The following TTC14 variants were observed in gnomAD, a reference collection of about 807,000 sequenced individuals.
TTC14 encodes tetratricopeptide repeat domain 14, also known as tetratricopeptide repeat protein 14.
A neutral mutation model predicts 79.9 loss-of-function variants in TTC14; 63 were observed. That is an observed-to-expected ratio of 0.79 (90% CI 0.64 to 0.97). The LOEUF is 0.97. Ranked by LOEUF, TTC14 falls within the 50% of genes least tolerant of loss-of-function variation. The pLI, the probability that TTC14 is intolerant of heterozygous loss-of-function variation, is 0.00. For missense variants in TTC14, 895 were observed against 894.0 expected, an observed-to-expected ratio of 1.00 and a Z score of -0.01; for synonymous variants, 335 against 309.6, an observed-to-expected ratio of 1.08 and a Z score of -0.86.
Position 180,602,416 on chromosome 3 carries a change from AG to A in TTC14, c.158del (p.Gly53AlafsTer52). ...GGCCCGCCGCCCCAGCACCCGTTGCAGGGCAGGTAATGAGACGTTGGTGCCA... is the reference window on the plus strand; with the variant it reads ...GGCCCGCCGCCCCAGCACCCGTTGCAGGCAGGTAATGAGACGTTGGTGCCA... The part of the protein sequence containing the change: ...ARGPPPQHPL[Q>X]GRKEKRVDNI... On this transcript the variant is annotated frameshift_variant, in exon 1 of 12. Transcript: ENST00000296015. LOFTEE classifies it high-confidence loss of function. 1 of 1,603,270 alleles carries A rather than the reference AG, an allele frequency of 6.2e-7. No homozygotes were observed.
chr3:180,617,744 T>A, exon 13 of TTC14: 1 of 364,008 alleles, frequency 2.7e-6, no homozygotes, highest in Middle Eastern at 7.3e-4. Context: ...TTTACAAAAT[T>A]AAAAATGTTT....
intron 7 of TTC14, 121 bp from the exon 8 acceptor site, chr3:180,606,132 A>G (rs768394346): frequency 7.3e-7 from 1 of 1,363,004 alleles, no homozygotes; most frequent in Non-Finnish European, 1.0e-6. Context: ...TATTGTGAGT[A>G]CTCTGAAAAC....
intron 1 of TTC14, 65 bp downstream of exon 1, chr3:180,602,487 A>G: frequency 6.6e-7 from 1 of 1,504,640 alleles, no homozygotes; most frequent in Non-Finnish European, 8.8e-7. Flanking sequence ...CCACTACCGC[A>G]GCCCCGGGTT....
Position 180,616,972 on chromosome 3 carries a change from G to GA in TTC14, c.1775-402dup, listed in dbSNP as rs1287389353. On this transcript the variant is annotated intron_variant, in intron 12 of 12. Transcript: ENST00000382584. The stretch of plus-strand genomic sequence containing the variant: ...TCTAATGTATTTTCCATGCTCTGTA[G>GA]AAAAAATATTAACATGTATTTTTTA... 1.6e-6 allele frequency: 2 copies of GA among 1,277,058 alleles called. No homozygotes were observed. Among genetic ancestry groups the GA allele is most frequent in the Non-Finnish European group, 1.1e-6 (1 of 940,856 alleles). 79.1% of individuals were successfully genotyped at this position (1,277,058 alleles called of 1,614,324 possible).
rs750009676 is a variant in TTC14 at position 180,602,406 on chromosome 3, C to G, written c.145C>G (p.His49Asp). 8 of 1,606,216 alleles carry G rather than the reference C, an allele frequency of 5.0e-6. No homozygotes were observed. Residue 49 changes from histidine to aspartate, a missense_variant, in exon 1 of 12, where the codon CAC becomes GAC. Physicochemically the swap from His to Asp is moderately conservative, Grantham distance 81 (BLOSUM62 -1). Transcript: ENST00000296015. Reference sequence around the variant, plus strand: ...GCCAGCCCGGGGCCCGCCGCCCCAGCACCCGTTGCAGGGCAGGTAATGAGA... The same window carrying G: ...GCCAGCCCGGGGCCCGCCGCCCCAGGACCCGTTGCAGGGCAGGTAATGAGA... ...AEPARGPPPQ[H>D]PLQGRKEKRV...
At position 180,610,198 on chromosome 3, in the gene TTC14, C is replaced by G; in HGVS notation, c.1969C>G (p.His657Asp). The G allele has an allele frequency of 6.2e-7, 1 of 1,613,728 alleles. No individual in the cohort carries two copies. The highest frequency in any genetic ancestry group is 8.5e-7 in the Non-Finnish European group (1 of 1,179,896). ...FEKDIEGRKE[H>D]YRRWEPGSVR... Reference sequence around the variant, plus strand: ...AAAGGATATAGAGGGAAGAAAAGAGCACTATAGAAGGTGGGAACCAGGTTC... The same window carrying G: ...AAAGGATATAGAGGGAAGAAAAGAGGACTATAGAAGGTGGGAACCAGGTTC... The change falls in exon 12 of 12, where the codon CAC becomes GAC. Residue 657 changes from histidine to aspartate, a missense_variant. Coordinates refer to ENST00000296015, the MANE Select transcript of TTC14 (RefSeq NM_133462.4).
At position 180,603,286 on chromosome 3, in the gene TTC14, G is replaced by A. The variant is rs1560070661; in HGVS notation, c.449G>A (p.Ser150Asn). 6.2e-7 allele frequency: 1 copy of A among 1,613,884 alleles called. No individual in the cohort carries two copies. Among genetic ancestry groups the A allele is most frequent in the Non-Finnish European group, 8.5e-7 (1 of 1,179,960 alleles). ...GFFMVLICLG[S>N]GIMRDIAHLE... is the part of the protein sequence containing the mutation. ...TTCATGGTGTTGATCTGTTTAGGAAGTGGTATCATGAGAGATATAGCCCAC... is the reference window on the plus strand; with the variant it reads ...TTCATGGTGTTGATCTGTTTAGGAAATGGTATCATGAGAGATATAGCCCAC... Residue 150 changes from serine to asparagine, a missense_variant, in exon 3 of 12, where the codon AGT (serine) becomes AAT (asparagine). By Grantham distance (46) the Ser-to-Asn change is conservative (BLOSUM62 1). Transcript: ENST00000296015.
chr3:180,610,032 T>TG lies in TTC14; in HGVS notation c.1803_1804insG (p.Asn602GlufsTer4). On this transcript the variant is annotated frameshift_variant, in exon 12 of 12. Coordinates refer to ENST00000296015, the MANE Select transcript of TTC14 (RefSeq NM_133462.4). LOFTEE classifies it high-confidence loss of function. ...GGTCTGAAGATCCAAGAGATTTTTATAACAGCTATAAAACCCAAGCAGGTA... is the reference window on the plus strand; with the variant it reads ...GGTCTGAAGATCCAAGAGATTTTTATGAACAGCTATAAAACCCAAGCAGGTA... 1 of 1,613,984 alleles carries TG rather than the reference T, an allele frequency of 6.2e-7. No individual in the cohort carries two copies. Among genetic ancestry groups the TG allele is most frequent in the South Asian group, 1.1e-5 (1 of 91,078 alleles).
At chr3:180,609,240 G>C (rs1236549220) in intron 11 of TTC14, 1 of 685,966 alleles carries the variant, frequency 1.5e-6, no homozygotes, top group African/African-American at 2.0e-5. Context: ...GCACAGGTCA[G>C]CTCCCACCCG....
rs535658931 is a variant in TTC14 at position 180,606,460 on chromosome 3, A to T, written c.1050-21A>T. The T allele has an allele frequency of 4.4e-5, 71 of 1,613,342 alleles. No individual in the cohort carries two copies. The Admixed American group carries it at 1.1e-3, about 26-fold the overall frequency. On this transcript the variant is annotated intron_variant, in intron 8 of 11. Coordinates refer to ENST00000296015, the MANE Select transcript of TTC14 (RefSeq NM_133462.4). ...AAGAGCTTGTGAGATACAGCCCTCTATCTTTGTTTCATGTCTCTAGATATG... is the reference window on the plus strand; with the variant it reads ...AAGAGCTTGTGAGATACAGCCCTCTTTCTTTGTTTCATGTCTCTAGATATG...
chr3:180,610,082 A>G lies in TTC14; in HGVS notation c.1853A>G (p.Lys618Arg), dbSNP rs778360702. 1.2e-6 allele frequency: 2 copies of G among 1,613,612 alleles called. No homozygotes were observed. The highest frequency in any genetic ancestry group is 1.7e-6 in the Non-Finnish European group (2 of 1,179,860). The change falls in exon 12 of 12, where the codon AAA (lysine) becomes AGA (arginine). Residue 618 changes from lysine (K) to arginine (R), a missense_variant. Lys to Arg is a conservative substitution (Grantham distance 26). Transcript: ENST00000296015. ...AGTAGCAAAACAGAAAAGCCATATA[A>G]ATCAGAAAGACATTTTTCCAGTAGA... ...AGSSKTEKPYKSERHFSSRRN... is the reference protein window; with the variant it reads ...AGSSKTEKPYRSERHFSSRRN...
chr3:180,610,595 G>C lies in TTC14; in HGVS notation c.*53G>C. ...CAAAATGCCATTAAGTGAAGTTTTT[G>C]GTTGTATTAGTCATAACAGTTGAGT... On this transcript the variant is annotated 3_prime_UTR_variant, in exon 12 of 12. Coordinates refer to ENST00000296015, the MANE Select transcript of TTC14 (RefSeq NM_133462.4). The C allele has an allele frequency of 1.3e-6, 2 of 1,517,384 alleles. No homozygotes were observed. The highest frequency in any genetic ancestry group is 8.8e-7 in the Non-Finnish European group (1 of 1,140,514). 94.0% of individuals were successfully genotyped at this position (1,517,384 alleles called of 1,614,324 possible).
Position 180,602,917 on chromosome 3 carries a change from AG to A in TTC14, c.189del (p.Ile64TyrfsTer41), listed in dbSNP as rs768298911. 2 of 1,613,328 alleles carry A rather than the reference AG, an allele frequency of 1.2e-6. No homozygotes were observed. The highest frequency in any genetic ancestry group is 2.2e-5 in the South Asian group (2 of 90,722). ...AAAGAGAAGAGAGTTGACAACATCG[AG>A]ATACAGAAATTCATCTCCAAAAAAG... ...GRKEKRVDNI[E>X]IQKFISKKAD... On this transcript the variant is annotated frameshift_variant, in exon 2 of 12. Coordinates refer to ENST00000296015, the MANE Select transcript of TTC14 (RefSeq NM_133462.4). LOFTEE classifies it high-confidence loss of function.
chr3:180,615,220 C>A, downstream of TTC14: 1 of 566,334 alleles, frequency 1.8e-6, no homozygotes. Flanking sequence ...TTTTAAATGA[C>A]CATCAATAGA....
intron 9 of TTC14, among the ~76,000 whole-genome samples, chr3:180,607,384 C>T (rs1487885154): frequency 3.9e-5 from 6 of 152,126 alleles, no homozygotes; most frequent in Non-Finnish European, 5.9e-5. Flanking sequence ...AATTTGTGGA[C>T]ACCCATTTAT....
intron 10 of TTC14, chr3:180,608,124 T>C (rs1485588690): frequency 9.9e-7 from 1 of 1,014,934 alleles, no homozygotes; most frequent in Non-Finnish European, 1.2e-6. Flanking sequence ...GTAATACTGA[T>C]GATGATGTTT....
chr3:180,603,102 TTTG>T lies in TTC14; in HGVS notation c.287-19_287-17del. 3 of 1,610,716 alleles carry T rather than the reference TTTG, an allele frequency of 1.9e-6. No individual in the cohort carries two copies. The highest frequency in any genetic ancestry group is 1.7e-4 in the Middle Eastern group (1 of 6,038). ...GGAACTCAAAACTATCGTTAGTGAT[TTTG>T]TTAATTTTTTTTTTTTAGATCATTA... is the stretch of plus-strand genomic sequence containing the variant. On this transcript the variant is annotated intron_variant, in intron 2 of 11. Transcript: ENST00000296015.
In TTC14 at chr3:180,603,904, A is replaced by G. The variant is rs567912402; in HGVS notation, c.487-321A>G. ...AGACAAAATACTTTGGAGAATTGGC[A>G]TTTCATTTTCACTGGAATCCTTATA... is the stretch of plus-strand genomic sequence containing the variant. On this transcript the variant is annotated intron_variant, in intron 3 of 11. Transcript: ENST00000296015. 5.8e-5 allele frequency: 17 copies of G among 293,334 alleles called. No individual in the cohort carries two copies. The Admixed American group carries it at 6.8e-4, about 12-fold the overall frequency. 18.2% of individuals were successfully genotyped at this position (293,334 alleles called of 1,614,324 possible).
In TTC14 at chr3:180,602,886, T is replaced by A. The variant is rs1007708405; in HGVS notation, c.162-5T>A. Reference sequence around the variant, plus strand: ...AATTTTCATATATATTTTTTTCTTTTTAAGAAAAGAGAAGAGAGTTGACAA... The same window carrying A: ...AATTTTCATATATATTTTTTTCTTTATAAGAAAAGAGAAGAGAGTTGACAA... On this transcript the variant is annotated splice_polypyrimidine_tract_variant and splice_region_variant and intron_variant, in intron 1 of 11. Transcript: ENST00000296015. The A allele has an allele frequency of 1.3e-5, 20 of 1,599,662 alleles. No individual in the cohort carries two copies. Among genetic ancestry groups the A allele is most frequent in the Non-Finnish European group, 1.7e-5 (20 of 1,176,312 alleles).
Sources: allele counts gnomAD v4.1 joint callset (sites outside exome capture counted in the v4.1 genomes callset), GRCh38; gene constraint gnomAD v4.1.1; transcripts MANE v1.5; gene names NCBI Gene and HGNC (gene_info 2026-07-23, HGNC 2026-07-21).